The following G3BP2 variants were observed in gnomAD, a reference collection of about 807,000 sequenced individuals.
The protein encoded by G3BP2 is ras GTPase-activating protein-binding protein 2.
G3BP2 carries 11 observed loss-of-function variants against 56.7 expected under a neutral mutation model. The ratio of observed to expected loss-of-function variants is 0.19; its 90% CI spans 0.12 to 0.32. The LOEUF (loss-of-function observed/expected upper bound fraction) is 0.32, where lower values mean the gene tolerates loss of function less well. Ranked by LOEUF, G3BP2 falls within the 10% of genes least tolerant of loss-of-function variation. The probability of loss-of-function intolerance (pLI) is 1.00; values close to 1 mark genes in which losing one functional copy is unlikely to be tolerated. For missense variants in G3BP2, 340 were observed against 610.9 expected (o/e 0.56, Z 4.67); for synonymous variants, 165 against 191.6 (o/e 0.86, Z 1.15).
intron 3 of G3BP2, among the ~76,000 whole-genome samples, chr4:75,689,633 A>G (rs1254886081): frequency 6.6e-6 from 1 of 152,218 alleles, no homozygotes; most frequent in African/African-American, 2.4e-5. Context: ...TTAAATTCCC[A>G]AACAAATCCT....
At position 75,721,186 on chromosome 4, in the gene G3BP2, C is replaced by A. The variant is rs573551728; in HGVS notation, c.-117-217G>T. ...GAACTCCCAACTTCAGGTGATCCGT[C>A]CACCTCAGCCTCCCAAAGTGCTGGG... is the stretch of plus-strand genomic sequence containing the variant. On this transcript the variant is annotated intron_variant, in intron 2 of 3. Transcript: ENST00000499709. Among the ~76,000 whole-genome samples the A allele has an allele frequency of 4.6e-5, 7 of 151,902 alleles. No individual in the cohort carries two copies. The East Asian group carries it at 1.4e-3, about 30-fold the overall frequency.
rs1578398251 is a variant in G3BP2, at chr4:75,661,760, G to A, written c.95+171C>T. On this transcript the variant is annotated intron_variant, in intron 2 of 11. Transcript: ENST00000359707. ...ACATAAAATGTTTTTATTACTGTGA[G>A]TTGCAGTTAAAAACACTTTTTGCCA... The A allele has an allele frequency of 2.0e-5, 11 of 560,930 alleles. No individual in the cohort carries two copies. The East Asian group carries it at 2.7e-4, about 14-fold the overall frequency. The allele number at this position is 560,930 out of a possible 1,614,324, so 34.7% of individuals were successfully genotyped here.
intron 2 of G3BP2, chr4:75,661,613 A>G (rs894910475): frequency 4.6e-5 from 8 of 173,330 alleles, no homozygotes; most frequent in African/African-American, 7.2e-5. Context: ...GGCTATGATC[A>G]TATCACTGCA....
chr4:75,691,086 T>G (rs899489948), intron 3 of G3BP2, among the ~76,000 whole-genome samples: 5 of 145,628 alleles, frequency 3.4e-5, no homozygotes, highest in African/African-American at 1.0e-4. Context: ...TCATTTATTC[T>G]TTTTTTTTTT....
At chr4:75,646,522 G>T (rs749689363) in intron 10 of G3BP2, 66 bp from the exon 11 acceptor site, 17 of 925,918 alleles carry the variant, frequency 1.8e-5, no homozygotes, top group Non-Finnish European at 3.0e-5. Context: ...GGCTCTAATT[G>T]TTCAGGATGA....
In G3BP2 at chr4:75,669,041, T is replaced by C. The variant is rs190165788; in HGVS notation, c.-25+4167A>G. Among the ~76,000 whole-genome samples the C allele has an allele frequency of 1.2e-4, 18 of 152,272 alleles. No individual in the cohort carries two copies. In the East Asian group the frequency reaches 3.3e-3, roughly 28 times the overall value. ...GAATGACTTCTCAATCCTCCACCCA[T>C]CTGCATTATCAATGTTGACTACCTC... On this transcript the variant is annotated intron_variant, in intron 1 of 11. Transcript: ENST00000359707.
At chr4:75,709,994 T>C (rs1340256609) in intron 3 of G3BP2, among the ~76,000 whole-genome samples, 1 of 152,214 alleles carries the variant, frequency 6.6e-6, no homozygotes, top group African/African-American at 2.4e-5. Flanking sequence ...TAAGGTCAGC[T>C]AATTCCATTT....
intron 1 of G3BP2, 141 bp from the exon 2 acceptor site, chr4:75,662,190 T>TA: frequency 1.8e-6 from 1 of 551,296 alleles, no homozygotes; most frequent in East Asian, 3.0e-5. Context: ...TAAGTTCTGA[T>TA]AACCCACTAC....
At chr4:75,704,131 G>A (rs1247052089) in intron 3 of G3BP2, among the ~76,000 whole-genome samples, 5 of 151,016 alleles carry the variant, frequency 3.3e-5, no homozygotes, top group African/African-American at 9.8e-5. Context: ...GGATTCTCCC[G>A]CCTCAGCCTC....
At chr4:75,676,336 A>ATTTT (rs34017434), upstream of G3BP2, among the ~76,000 whole-genome samples, 98 of 92,064 alleles carry the variant, frequency 1.1e-3, no homozygotes, top group South Asian at 1.4e-3. Flanking sequence ...ATTGCCAATA[A>ATTTT]TTTTTTTTTT....
chr4:75,647,133 T>C lies in G3BP2; in HGVS notation c.953A>G (p.Asp318Gly), dbSNP rs1731294232. ...RPGRGDMEQNDSDNRRIIRYP... is the reference protein window; with the variant it reads ...RPGRGDMEQNGSDNRRIIRYP... The stretch of plus-strand genomic sequence containing the variant: ...GCGAATTATTCTACGGTTGTCAGAG[T>C]CATTCTGTTCCATATCTCCTCTGCC... The change falls in exon 10 of 12, where the codon GAC becomes GGC. Residue 318 changes from aspartate to glycine, a missense_variant. Around this residue, in one of 4 missense-constraint regions of G3BP2, gnomAD observed 224 missense variants for 332.5 expected, o/e 0.67. Coordinates refer to ENST00000359707, the MANE Select transcript of G3BP2 (RefSeq NM_203505.3). 6.3e-7 allele frequency: 1 copy of C among 1,599,020 alleles called. No individual in the cohort carries two copies. Among genetic ancestry groups the C allele is most frequent in the Non-Finnish European group, 8.5e-7 (1 of 1,169,736 alleles).
chr4:75,658,731 A>T (rs1732313273), intron 3 of G3BP2, 112 bp downstream of exon 3: 1 of 767,208 alleles, frequency 1.3e-6, no homozygotes, highest in South Asian at 1.5e-5. Context: ...CCGTCTCAAA[A>T]AAAAAAGAGA....
At chr4:75,651,781 A>AAG (rs1472264391) in intron 8 of G3BP2, among the ~76,000 whole-genome samples, 5 of 152,360 alleles carry the variant, frequency 3.3e-5, no homozygotes, top group African/African-American at 1.2e-4. Flanking sequence ...GTACAGAACC[A>AAG]TCAAATCAAG....
At chr4:75,662,585 C>G in intron 1 of G3BP2, 1 of 152,366 alleles carries the variant, frequency 6.6e-6, no homozygotes, top group Non-Finnish European at 1.5e-5. Flanking sequence ...TATTAAAAAG[C>G]AACTTACAAC....
intron 3 of G3BP2, among the ~76,000 whole-genome samples, chr4:75,710,664 G>A (rs753725970): frequency 6.6e-6 from 1 of 152,016 alleles, no homozygotes; most frequent in African/African-American, 2.4e-5. Flanking sequence ...AGTCTGTCTG[G>A]CTTTATTTAT....
chr4:75,661,020 G>A (rs1282490173), intron 2 of G3BP2, among the ~76,000 whole-genome samples: 1 of 152,128 alleles, frequency 6.6e-6, no homozygotes, highest in African/African-American at 2.4e-5. Context: ...AATTTTCACA[G>A]TATAATCATT....
intron 3 of G3BP2, among the ~76,000 whole-genome samples, chr4:75,682,451 TG>T (rs1338498249): frequency 6.6e-6 from 1 of 151,884 alleles, no homozygotes; most frequent in Non-Finnish European, 1.5e-5. Flanking sequence ...ACTTTATTTC[TG>T]GAGTTTTCCA....
rs746000985 is a variant in G3BP2, at chr4:75,647,060, A to G, written c.1026T>C (p.Ile342=). The G allele has an allele frequency of 6.3e-7, 1 of 1,597,910 alleles. No homozygotes were observed. Among genetic ancestry groups the G allele is most frequent in the African/African-American group, 1.3e-5 (1 of 74,568 alleles). The change falls in exon 10 of 12, where the codon ATT becomes ATC. Residue 342 remains isoleucine, a synonymous_variant. Transcript: ENST00000359707. ...QLFVGNLPHD[I]DENELKEFFM... ...AGAATTCCTTTAGCTCATTTTCATC[A>G]ATATCATGTGGCAAGTTACCAACAA...
At chr4:75,666,812 C>A (rs939407900) in intron 1 of G3BP2, among the ~76,000 whole-genome samples, 1 of 152,094 alleles carries the variant, frequency 6.6e-6, no homozygotes, top group Non-Finnish European at 1.5e-5. Context: ...AGATCTGGGA[C>A]CTTCCATTTC....
Sources: allele counts gnomAD v4.1 joint callset (sites outside exome capture counted in the v4.1 genomes callset), GRCh38; gene constraint gnomAD v4.1.1; regional missense constraint gnomAD v4.1.1; transcripts MANE v1.5; gene names NCBI Gene and HGNC (gene_info 2026-07-23, HGNC 2026-07-21).